Variants in LUZP2 observed in about 807,000 individuals in gnomAD.
The protein encoded by LUZP2 is leucine zipper protein 2.
LUZP2 carries 52 observed loss-of-function variants against 51.6 expected under a neutral mutation model. The observed-to-expected ratio is 1.01, with a 90% CI of 0.81 to 1.27. LUZP2 has a LOEUF of 1.27. Ranked by LOEUF, LUZP2 falls within the 50% of genes most tolerant of loss-of-function variation. The pLI is 0.00. For synonymous variants in LUZP2, 154 were observed against 137.3 expected (o/e 1.12, Z -0.85); for missense variants, 436 against 395.4 (o/e 1.10, Z -0.87).
At chr11:24,961,491 C>G (rs959392211) in intron 7 of LUZP2, among the ~76,000 whole-genome samples, 2 of 152,088 alleles carry the variant, frequency 1.3e-5, no homozygotes, top group African/African-American at 4.8e-5. Flanking sequence ...GATCCCTTTA[C>G]CATTATGTAA....
chr11:24,618,849 C>T (rs988007711), intron 1 of LUZP2, among the ~76,000 whole-genome samples: 1 of 151,892 alleles, frequency 6.6e-6, no homozygotes, highest in African/African-American at 2.4e-5. Context: ...AATTTTATAC[C>T]ACTGATTATT....
chr11:24,983,304 T>G lies in LUZP2; in HGVS notation c.765+11T>G. The G allele has an allele frequency of 4.3e-6, 7 of 1,610,088 alleles. No individual in the cohort carries two copies. Among genetic ancestry groups the G allele is most frequent in the Non-Finnish European group, 5.9e-6 (7 of 1,177,792 alleles). ...GCGGCCAAAAGCAAGGTACCTACCT[T>G]TTATTTGCGCTTTGTAAAGTAACAG... On this transcript the variant is annotated intron_variant, in intron 9 of 11. Transcript: ENST00000336930.
intron 5 of LUZP2, among the ~76,000 whole-genome samples, chr11:24,833,632 A>G (rs1371869157): frequency 6.6e-6 from 1 of 152,030 alleles, no homozygotes; most frequent in African/African-American, 2.4e-5. Flanking sequence ...GATTAATCGA[A>G]TCAGAATTTC....
At chr11:24,812,255 A>G (rs557270956) in intron 5 of LUZP2, among the ~76,000 whole-genome samples, 74 of 152,322 alleles carry the variant, frequency 4.9e-4, no homozygotes, top group Admixed American at 3.5e-3. Context: ...GAATACCTCA[A>G]TGATGTTCAA....
intron 5 of LUZP2, among the ~76,000 whole-genome samples, chr11:24,765,288 C>A (rs2134037780): frequency 6.6e-6 from 1 of 152,160 alleles, no homozygotes; most frequent in South Asian, 2.1e-4. Context: ...AAGAAAAAAA[C>A]AGGTAAATTG....
At chr11:24,773,074 C>A (rs1305786240) in intron 5 of LUZP2, among the ~76,000 whole-genome samples, 2 of 105,374 alleles carry the variant, frequency 1.9e-5, no homozygotes, top group Admixed American at 2.1e-4. Context: ...TCCTCATAAA[C>A]AGTGTAGTTT....
intron 7 of LUZP2, among the ~76,000 whole-genome samples, chr11:24,961,781 C>T (rs955763660): frequency 6.7e-6 from 1 of 148,162 alleles, no homozygotes; most frequent in Admixed American, 6.8e-5. Context: ...TGAATTTGAT[C>T]CTGTCATTAT....
intron 4 of LUZP2, among the ~76,000 whole-genome samples, chr11:24,738,963 T>G (rs1859037888): frequency 6.6e-6 from 1 of 152,100 alleles, no homozygotes; most frequent in African/African-American, 2.4e-5. Flanking sequence ...GTATAGGGAT[T>G]GGACCTTATA....
At chr11:24,562,118 A>G (rs533323063) in intron 1 of LUZP2, among the ~76,000 whole-genome samples, 1 of 152,104 alleles carries the variant, frequency 6.6e-6, no homozygotes, top group Non-Finnish European at 1.5e-5. Flanking sequence ...AGTTTTTGAC[A>G]CTGAATAATG....
chr11:24,730,128 T>A (rs1858660077), intron 2 of LUZP2, among the ~76,000 whole-genome samples: 1 of 151,634 alleles, frequency 6.6e-6, no homozygotes, highest in Non-Finnish European at 1.5e-5. Flanking sequence ...ATGATGATGA[T>A]GATGGTGGTA....
intron 1 of LUZP2, among the ~76,000 whole-genome samples, chr11:24,553,630 A>G (rs958882095): frequency 1.3e-5 from 2 of 152,092 alleles, no homozygotes; most frequent in East Asian, 1.9e-4. Flanking sequence ...GATGTTTAAA[A>G]TAGGACCGTT....
intron 5 of LUZP2, chr11:24,892,295 A>C (rs952853337): frequency 1.0e-6 from 1 of 985,282 alleles, no homozygotes; most frequent in Admixed American, 6.2e-5. Context: ...GAGCACCTGA[A>C]GACTTGTTGG....
chr11:24,954,166 T>A, intron 7 of LUZP2, among the ~76,000 whole-genome samples: 1 of 152,040 alleles, frequency 6.6e-6, no homozygotes, highest in East Asian at 1.9e-4. Flanking sequence ...AAGGGTAACC[T>A]ATAGTTTAAC....
chr11:24,948,833 A>G (rs1378455159), intron 7 of LUZP2, among the ~76,000 whole-genome samples: 2 of 8,436 alleles, frequency 2.4e-4, no homozygotes, highest in African/African-American at 2.6e-4. Context: ...TCATCTATCT[A>G]TCTATCTATC....
At chr11:24,767,811 A>G (rs1469787305) in intron 5 of LUZP2, among the ~76,000 whole-genome samples, 1 of 152,168 alleles carries the variant, frequency 6.6e-6, no homozygotes, top group Non-Finnish European at 1.5e-5. Flanking sequence ...TTTGCACCAG[A>G]AAATAAATCA....
chr11:24,693,535 G>A (rs1246850624), intron 1 of LUZP2, among the ~76,000 whole-genome samples: 1 of 151,706 alleles, frequency 6.6e-6, no homozygotes, highest in East Asian at 1.9e-4. Flanking sequence ...ACACAAACAG[G>A]AAGTTTTATT....
intron 1 of LUZP2, among the ~76,000 whole-genome samples, chr11:24,561,393 G>C (rs995702471): frequency 1.3e-5 from 2 of 151,926 alleles, no homozygotes; most frequent in African/African-American, 4.8e-5. Flanking sequence ...TTATGAAATT[G>C]GTATTAGAAT....
At chr11:25,040,594 C>T (rs1304557730) in intron 9 of LUZP2, among the ~76,000 whole-genome samples, 2 of 152,062 alleles carry the variant, frequency 1.3e-5, no homozygotes, top group Non-Finnish European at 2.9e-5. Flanking sequence ...GTGGACCTCT[C>T]AGTCTGTTTT....
intron 5 of LUZP2, among the ~76,000 whole-genome samples, chr11:24,902,447 C>T (rs1247268287): frequency 2.0e-5 from 3 of 152,096 alleles, no homozygotes; most frequent in Non-Finnish European, 2.9e-5. Flanking sequence ...CTCATATTAT[C>T]GTAGCATTAA....
Sources: gnomAD v4.1 joint callset for allele counts (sites outside exome capture counted in the v4.1 genomes callset) on GRCh38, gnomAD v4.1.1 for gene constraint, MANE v1.5 for transcripts, NCBI Gene and HGNC (gene_info 2026-07-23, HGNC 2026-07-21) for gene names.